HBEGF: variants seen among roughly 807,000 people sequenced by gnomAD.
HBEGF encodes the protein heparin binding EGF like growth factor, also known as proheparin-binding EGF-like growth factor.
Under a neutral mutation model 19.5 loss-of-function variants are expected in HBEGF, and 8 were observed. That is an observed-to-expected ratio of 0.41 (90% CI 0.24 to 0.74). HBEGF has a LOEUF of 0.74. Among genes scored for constraint, HBEGF ranks in the 30% least tolerant of loss-of-function variants. The probability of loss-of-function intolerance (pLI) is 0.32; values close to 1 mark genes in which losing one functional copy is unlikely to be tolerated. For synonymous variants in HBEGF, 97 were observed against 108.9 expected (o/e 0.89, Z 0.68); for missense variants, 207 against 256.9 (o/e 0.81, Z 1.33).
chr5:140,346,022 T>C lies in HBEGF; in HGVS notation c.109A>G (p.Thr37Ala). 1 of 1,613,904 alleles carries C rather than the reference T, an allele frequency of 6.2e-7. No homozygotes were observed. The highest frequency in any genetic ancestry group is 8.5e-7 in the Non-Finnish European group (1 of 1,179,944). The change falls in exon 2 of 6, where the codon ACC becomes GCC. Residue 37 changes from threonine (T) to alanine (A), a missense_variant. Physicochemically the swap from Thr to Ala is moderately conservative, Grantham distance 58. Around this residue, in one of 3 missense-constraint regions of HBEGF, gnomAD observed 127 missense variants for 132.7 expected, o/e 0.96. Transcript: ENST00000230990. The surrounding 1 kb of genome is among the most constrained non-coding windows in gnomAD (Gnocchi z 6.1). ...ERLRRGLAAGTSNPDPPTVST... is the reference protein window; with the variant it reads ...ERLRRGLAAGASNPDPPTVST... ...ACAGTGGGAGGGTCCGGGTTGCTGGTTCCAGCAGCTAGCCCTCTCCGAAGC... is the reference window on the plus strand; with the variant it reads ...ACAGTGGGAGGGTCCGGGTTGCTGGCTCCAGCAGCTAGCCCTCTCCGAAGC...
At chr5:140,339,202 C>T (rs944456419) in intron 3 of HBEGF, among the ~76,000 whole-genome samples, 5 of 152,136 alleles carry the variant, frequency 3.3e-5, no homozygotes, top group African/African-American at 4.8e-5. Context: ...ACAAGAGAAG[C>T]GGGATCACCA....
At chr5:140,345,038 C>G (rs895558636) in intron 2 of HBEGF, among the ~76,000 whole-genome samples, 1 of 152,130 alleles carries the variant, frequency 6.6e-6, no homozygotes, top group Non-Finnish European at 1.5e-5. Flanking sequence ...AGAGAGTATC[C>G]AAGGAAAGCT....
chr5:140,336,119 T>A, intron 3 of HBEGF, 92 bp from the exon 4 acceptor site: 2 of 1,316,930 alleles, frequency 1.5e-6, no homozygotes, highest in Non-Finnish European at 2.1e-6. Context: ...CCATTCCTCA[T>A]ACCCTCAGCC....
chr5:140,338,411 C>A (rs937162572), intron 3 of HBEGF, among the ~76,000 whole-genome samples: 4 of 152,128 alleles, frequency 2.6e-5, no homozygotes, highest in African/African-American at 9.7e-5. Flanking sequence ...GTCGTAGAGC[C>A]AGGATTCAAC....
chr5:140,334,386 C>T (rs970684843), intron 5 of HBEGF, 106 bp from the exon 6 acceptor site: 2 of 427,736 alleles, frequency 4.7e-6, no homozygotes, highest in South Asian at 4.3e-5. Flanking sequence ...GACAGGGTTT[C>T]ACTCTGTCTC....
Position 140,333,004 on chromosome 5 carries a change from C to A in HBEGF, c.*1295G>T, listed in dbSNP as rs1766176453. 6.6e-6 allele frequency: 1 copy of A among 152,572 alleles called. No individual in the cohort carries two copies. Among genetic ancestry groups the A allele is most frequent in the African/African-American group, 2.4e-5 (1 of 41,428 alleles). 9.5% of individuals were successfully genotyped at this position (152,572 alleles called of 1,614,324 possible). On this transcript the variant is annotated 3_prime_UTR_variant, in exon 6 of 6. Transcript: ENST00000230990. ...GTGAGGTGGGTGGGATTATACAAAG[C>A]CTTCCCCACCTCCAACCTTCTCGGT... is the stretch of plus-strand genomic sequence containing the variant.
Position 140,346,397 on chromosome 5 carries a change from C to A in HBEGF, c.-69G>T. On this transcript the variant is annotated 5_prime_UTR_variant, in exon 1 of 6. Transcript: ENST00000230990. This position sits in a 1 kb window ranked among gnomAD's most constrained non-coding sequence, Gnocchi z 6.1. Reference sequence around the variant, plus strand: ...AAGCGGCGGCCACTGGGCGCTGGCACCAGAGCTGGGCGGCGGAGCTCAGGA... The same window carrying A: ...AAGCGGCGGCCACTGGGCGCTGGCAACAGAGCTGGGCGGCGGAGCTCAGGA... 1.3e-6 allele frequency: 2 copies of A among 1,534,994 alleles called. No homozygotes were observed. Among genetic ancestry groups the A allele is most frequent in the Non-Finnish European group, 1.8e-6 (2 of 1,130,522 alleles).
rs1766205880 is a variant in HBEGF, at chr5:140,334,982, C to A, written c.555-234G>T. On this transcript the variant is annotated intron_variant, in intron 4 of 5. Transcript: ENST00000230990. ...CACCTCATTTACGTGATCCTCACAA[C>A]ATCCTTATGAGGTAGATGGACAAAC... The A allele has an allele frequency of 1.2e-5, 7 of 578,956 alleles. No homozygotes were observed. The South Asian group carries it at 1.4e-4, about 12-fold the overall frequency. The allele number at this position is 578,956 out of a possible 1,614,324, so 35.9% of individuals were successfully genotyped here.
chr5:140,334,679 GT>G lies in HBEGF; in HGVS notation c.623del (p.His208ProfsTer33). The stretch of plus-strand genomic sequence containing the variant: ...TTACCTTGAGCACAAGTCTCTCTCA[GT>G]GGGAATTAGTCATGCCCAACTTCAC... The part of the protein sequence containing the change: ...EKVKLGMTNS[H>X] On this transcript the variant is annotated frameshift_variant, in exon 5 of 6. Coordinates refer to ENST00000230990, the MANE Select transcript of HBEGF (RefSeq NM_001945.3). LOFTEE classifies it high-confidence loss of function. 1.9e-6 allele frequency: 3 copies of G among 1,609,044 alleles called. No individual in the cohort carries two copies. The highest frequency in any genetic ancestry group is 2.6e-6 in the Non-Finnish European group (3 of 1,175,344).
Position 140,334,250 on chromosome 5 carries a change from C to T in HBEGF, c.*49G>A, listed in dbSNP as rs1045738191. On this transcript the variant is annotated 3_prime_UTR_variant, in exon 6 of 6. Coordinates refer to ENST00000230990, the MANE Select transcript of HBEGF (RefSeq NM_001945.3). ...TCTGCAGTCTGAAATCACCTTGTGT[C>T]TTCTCAGAGGTAGCAGTCCCCAGCC... 1 of 166,566 alleles carries T rather than the reference C, an allele frequency of 6.0e-6. No individual in the cohort carries two copies. The highest frequency in any genetic ancestry group is 2.4e-5 in the African/African-American group (1 of 41,810). 10.3% of individuals were successfully genotyped at this position (166,566 alleles called of 1,614,324 possible).
intron 3 of HBEGF, among the ~76,000 whole-genome samples, chr5:140,337,779 G>T (rs189327847): frequency 1.7e-4 from 26 of 152,254 alleles, no homozygotes; most frequent in Admixed American, 1.2e-3. Context: ...GCCTCTCCAT[G>T]TATCTGTCCC....
At position 140,335,943 on chromosome 5, in the gene HBEGF, G is replaced by A. The variant is rs751637779; in HGVS notation, c.483C>T (p.Thr161=). The change falls in exon 4 of 6, where the codon ACC becomes ACT. Residue 161 remains threonine, a synonymous_variant. Transcript: ENST00000230990. ...GCACCACAGCCACCACGGCCAGGAT[G>A]GTTGTGTGGTCATAGGTATATAAGC... ...ENRLYTYDHT[T]ILAVVAVVLS... 2 of 1,614,192 alleles carry A rather than the reference G, an allele frequency of 1.2e-6. No homozygotes were observed. The highest frequency in any genetic ancestry group is 1.7e-5 in the Admixed American group (1 of 60,032).
Position 140,342,821 on chromosome 5 carries a change from G to T in HBEGF, c.221-9C>A, listed in dbSNP as rs574268332. 5.2e-5 allele frequency: 84 copies of T among 1,613,910 alleles called. 3 individuals carry two copies. The South Asian group carries it at 7.6e-4, about 15-fold the overall frequency. On this transcript the variant is annotated splice_polypyrimidine_tract_variant and intron_variant, in intron 2 of 5. Transcript: ENST00000230990. ...CTTGGAGGATAAAGTGACTGTAGGA[G>T]AAAAGCACTCTGTTAAAGTCTGACT... is the stretch of plus-strand genomic sequence containing the variant.
In HBEGF at chr5:140,342,742, T is replaced by C. The variant is rs1766333160; in HGVS notation, c.291A>G (p.Lys97=). ...NKEEHGKRKK[K]GKGLGKKRDP... ...CCCTCTTCTTCCCTAGCCCCTTGCCTTTCTTCTTTCTTTTCCCGTGCTCCT... is the reference window on the plus strand; with the variant it reads ...CCCTCTTCTTCCCTAGCCCCTTGCCCTTCTTCTTTCTTTTCCCGTGCTCCT... Residue 97 remains lysine, a synonymous_variant, in exon 3 of 6, where the codon AAA becomes AAG. Coordinates refer to ENST00000230990, the MANE Select transcript of HBEGF (RefSeq NM_001945.3). The C allele has an allele frequency of 6.2e-7, 1 of 1,614,228 alleles. No individual in the cohort carries two copies. Among genetic ancestry groups the C allele is most frequent in the East Asian group, 2.2e-5 (1 of 44,890 alleles).
intron 4 of HBEGF, among the ~76,000 whole-genome samples, chr5:140,335,448 T>TCTATGCATACCTGGATTAGCACC (rs1766214743): frequency 6.7e-6 from 1 of 150,258 alleles, no homozygotes; most frequent in Non-Finnish European, 1.5e-5. Flanking sequence ...TCTCCCAAGC[T>TCTATGCATACCTGGATTAGCACC]AGAGCATACC....
intron 2 of HBEGF, among the ~76,000 whole-genome samples, chr5:140,344,716 G>A (rs537185077): frequency 3.5e-4 from 53 of 151,994 alleles, no homozygotes; most frequent in Non-Finnish European, 5.3e-4. Context: ...CCAGTGACCA[G>A]AGCTTCGGGG....
intron 2 of HBEGF, 111 bp from the exon 3 acceptor site, chr5:140,342,923 TG>T: frequency 8.9e-7 from 1 of 1,126,048 alleles, no homozygotes; most frequent in East Asian, 2.4e-5. Context: ...GTCAGAGATC[TG>T]GGAAGGCCCC....
intron 3 of HBEGF, among the ~76,000 whole-genome samples, chr5:140,340,182 A>G (rs1766286803): frequency 6.6e-6 from 1 of 151,974 alleles, no homozygotes. Context: ...GCTGCTCAGG[A>G]GGCTGAAGCA....
intron 4 of HBEGF, chr5:140,335,003 C>A (rs949929245): frequency 4.0e-5 from 22 of 549,948 alleles, no homozygotes; most frequent in Non-Finnish European, 7.2e-5. Flanking sequence ...GGTAGATGGA[C>A]AAACATTACA....
Sources: allele counts gnomAD v4.1 joint callset (sites outside exome capture counted in the v4.1 genomes callset), GRCh38; gene constraint gnomAD v4.1.1; regional missense constraint gnomAD v4.1.1; non-coding constraint Gnocchi (gnomAD v3.1); transcripts MANE v1.5; gene names NCBI Gene and HGNC (gene_info 2026-07-23, HGNC 2026-07-21).